The following LIN9 variants were observed in gnomAD, a reference collection of about 807,000 sequenced individuals.
LIN9 encodes lin-9 DREAM MuvB core complex component.
A neutral mutation model predicts 78.0 loss-of-function variants in LIN9; 18 were observed. The ratio of observed to expected loss-of-function variants is 0.23; its 90% CI spans 0.16 to 0.34. LIN9 has a LOEUF of 0.34. Ranked by LOEUF, LIN9 falls within the 10% of genes least tolerant of loss-of-function variation. The probability of loss-of-function intolerance (pLI) is 1.00; values close to 1 mark genes in which losing one functional copy is unlikely to be tolerated. For synonymous variants in LIN9, 192 were observed against 215.2 expected (o/e 0.89, Z 0.94); for missense variants, 451 against 644.1 (o/e 0.70, Z 3.25).
At chr1:226,302,266 G>A (rs1222133748) in intron 1 of LIN9, among the ~76,000 whole-genome samples, 4 of 151,992 alleles carry the variant, frequency 2.6e-5, no homozygotes, top group Admixed American at 6.6e-5. Context: ...TAGAGAGGCC[G>A]GGTGCGGTGG....
intron 6 of LIN9, among the ~76,000 whole-genome samples, chr1:226,280,755 C>G (rs1271707785): frequency 6.6e-6 from 1 of 152,102 alleles, no homozygotes; most frequent in Non-Finnish European, 1.5e-5. Context: ...AGCCTGGCAA[C>G]AGAGCGAGAC....
intron 10 of LIN9, among the ~76,000 whole-genome samples, chr1:226,262,189 GA>G (rs1229354573): frequency 6.6e-6 from 1 of 151,864 alleles, no homozygotes; most frequent in African/African-American, 2.4e-5. Context: ...AGTAACACAG[GA>G]AAAAAAATCT....
chr1:226,301,289 C>T, intron 1 of LIN9, 84 bp from the exon 2 acceptor site: 1 of 983,638 alleles, frequency 1.0e-6, no homozygotes, highest in Non-Finnish European at 1.6e-6. Flanking sequence ...TAAAAGTGAT[C>T]CATTTAGTTT....
chr1:226,301,111 C>A, intron 2 of LIN9, 62 bp downstream of exon 2: 1 of 1,247,604 alleles, frequency 8.0e-7, no homozygotes, highest in Non-Finnish European at 1.1e-6. Flanking sequence ...ACACTATATC[C>A]AGATTAATTT....
In LIN9 at chr1:226,277,801, G is replaced by A. The variant is rs1185304510; in HGVS notation, c.656C>T (p.Pro219Leu). 1 of 1,613,660 alleles carries A rather than the reference G, an allele frequency of 6.2e-7. No individual in the cohort carries two copies. The highest frequency in any genetic ancestry group is 1.3e-5 in the African/African-American group (1 of 74,920). The change falls in exon 7 of 15, where the codon CCT becomes CTT. Residue 219 changes from proline (P) to leucine (L), a missense_variant. Transcript: ENST00000681046. The stretch of plus-strand genomic sequence containing the variant: ...TGTAACTTTCGTTCCAATAACCAGA[G>A]GCAAAGGAATTTCATCTGGGAGATC... ...FKDLPDEIPLPLVIGTKVTAR... is the reference protein window; with the variant it reads ...FKDLPDEIPLLLVIGTKVTAR...
chr1:226,247,674 CTTTT>C (rs35184021), intron 11 of LIN9, among the ~76,000 whole-genome samples: 1 of 138,898 alleles, frequency 7.2e-6, no homozygotes, highest in African/African-American at 2.7e-5. Context: ...TGTTTTCTTT[CTTTT>C]TTTTTTTTTT....
intron 4 of LIN9, among the ~76,000 whole-genome samples, chr1:226,289,837 G>GC (rs1558197919): frequency 2.5e-5 from 1 of 40,222 alleles, no homozygotes; most frequent in African/African-American, 6.3e-5. Flanking sequence ...AGTCCTCCGG[G>GC]GGGGGGGGTG....
intron 7 of LIN9, among the ~76,000 whole-genome samples, chr1:226,275,691 CAGAAAAAA>C (rs1479981732): frequency 4.6e-5 from 2 of 43,446 alleles, no homozygotes; most frequent in African/African-American, 1.9e-4. Context: ...GACTCCGTCT[CAGAAAAAA>C]AAAAAAAAAA....
intron 10 of LIN9, among the ~76,000 whole-genome samples, chr1:226,257,108 C>T (rs1392051788): frequency 6.6e-6 from 1 of 151,882 alleles, no homozygotes; most frequent in East Asian, 1.9e-4. Context: ...TGCCACCAGG[C>T]CCGGCTAATT....
chr1:226,280,357 GATA>G (rs1300252881), intron 6 of LIN9, among the ~76,000 whole-genome samples: 5 of 152,184 alleles, frequency 3.3e-5, no homozygotes, highest in Non-Finnish European at 5.9e-5. Context: ...GAGCTTAGCT[GATA>G]ATAATGATTT....
intron 10 of LIN9, among the ~76,000 whole-genome samples, chr1:226,255,198 T>C (rs767852991): frequency 4.6e-5 from 7 of 152,186 alleles, no homozygotes; most frequent in Admixed American, 2.6e-4. Flanking sequence ...AGGGGCTTAA[T>C]CTGGTTCTTA....
At chr1:226,281,805 T>TGAGTA (rs1229163117) in intron 6 of LIN9, among the ~76,000 whole-genome samples, 10 of 151,866 alleles carry the variant, frequency 6.6e-5, no homozygotes, top group Non-Finnish European at 1.5e-4. Context: ...GCAATTCTCC[T>TGAGTA]GCCTCAGCCC....
At chr1:226,258,894 C>CAAAAAAAAAAAAA (rs770169450) in intron 10 of LIN9, among the ~76,000 whole-genome samples, 3 of 54,776 alleles carry the variant, frequency 5.5e-5, no homozygotes, top group African/African-American at 2.4e-4. Context: ...TCTGTCTCAA[C>CAAAAAAAAAAAAA]AAAAAAAAAA....
chr1:226,279,534 G>A (rs150412623), intron 6 of LIN9, among the ~76,000 whole-genome samples: 206 of 149,700 alleles, frequency 1.4e-3, no homozygotes, highest in African/African-American at 4.7e-3. Flanking sequence ...AGGCTGAGGC[G>A]GATGGACTGC....
intron 11 of LIN9, among the ~76,000 whole-genome samples, chr1:226,240,386 GTTTTTT>G (rs34988388): frequency 8.1e-6 from 1 of 124,016 alleles, no homozygotes; most frequent in African/African-American, 3.1e-5. Flanking sequence ...CTTGTTCTAA[GTTTTTT>G]TTTTTTTTTT....
At chr1:226,237,823 C>T (rs941620886) in intron 12 of LIN9, among the ~76,000 whole-genome samples, 2 of 150,006 alleles carry the variant, frequency 1.3e-5, no homozygotes, top group Non-Finnish European at 3.0e-5. Context: ...CATGGTGGTG[C>T]ACAGCTGTAA....
chr1:226,246,615 T>C (rs1658492376), intron 11 of LIN9, among the ~76,000 whole-genome samples: 1 of 148,730 alleles, frequency 6.7e-6, no homozygotes, highest in South Asian at 2.1e-4. Flanking sequence ...ACCCCGTCTC[T>C]ACTAAAAAAA....
At chr1:226,244,293 G>A (rs1304333693) in intron 11 of LIN9, among the ~76,000 whole-genome samples, 6 of 151,970 alleles carry the variant, frequency 3.9e-5, no homozygotes, top group East Asian at 2.0e-4. Context: ...TTAGCCGGGC[G>A]CGGTGGCGCA....
intron 10 of LIN9, among the ~76,000 whole-genome samples, chr1:226,257,245 T>C (rs2126573): frequency 0.67 from 102,618 of 152,106 alleles, 34,763 homozygotes; most frequent in East Asian, 0.71. Context: ...CCACCACACC[T>C]GGCCAGAAAT....
Sources: gnomAD v4.1 joint callset for allele counts (sites outside exome capture counted in the v4.1 genomes callset) on GRCh38, gnomAD v4.1.1 for gene constraint, MANE v1.5 for transcripts, NCBI Gene and HGNC (gene_info 2026-07-23, HGNC 2026-07-21) for gene names.